Variants in CSNK1G2 observed in about 807,000 individuals in gnomAD.
CSNK1G2 encodes casein kinase 1 gamma 2.
A neutral mutation model predicts 48.0 loss-of-function variants in CSNK1G2; 11 were observed. The ratio of observed to expected loss-of-function variants is 0.23; its 90% CI spans 0.14 to 0.38. The LOEUF (loss-of-function observed/expected upper bound fraction) is 0.38, where lower values mean the gene tolerates loss of function less well. CSNK1G2 is among the 10% of genes least tolerant of loss of function. CSNK1G2 has a pLI of 1.00. For missense variants in CSNK1G2, 446 were observed against 595.5 expected, an observed-to-expected ratio of 0.75 and a Z score of 2.61; for synonymous variants, 337 against 254.1, an observed-to-expected ratio of 1.33 and a Z score of -3.10.
intron 1 of CSNK1G2, among the ~76,000 whole-genome samples, chr19:1,959,597 G>A (rs35799704): frequency 0.051 from 3,885 of 76,310 alleles, 301 homozygotes; most frequent in African/African-American, 0.11. Flanking sequence ...CACCTTTAGT[G>A]CCACCCTGAG....
intron 2 of CSNK1G2, 31 bp downstream of exon 2, chr19:1,969,990 G>A (rs1410480713): frequency 6.8e-5 from 88 of 1,296,878 alleles, no homozygotes; most frequent in Admixed American, 1.2e-4. Context: ...AGGTGGGGTC[G>A]GGAGGCTGCT....
At chr19:1,949,344 T>A (rs1351101475) in intron 1 of CSNK1G2, among the ~76,000 whole-genome samples, 3 of 152,176 alleles carry the variant, frequency 2.0e-5, no homozygotes, top group African/African-American at 7.2e-5. Context: ...CATCCTACTT[T>A]CTGGCTCTGT....
At chr19:1,945,816 C>T (rs1428587247) in intron 1 of CSNK1G2, among the ~76,000 whole-genome samples, 6 of 114,066 alleles carry the variant, frequency 5.3e-5, no homozygotes, top group South Asian at 3.1e-4. Flanking sequence ...AGCGAGACTC[C>T]GTCTCAAAAA....
chr19:1,951,829 C>T (rs978303148), intron 1 of CSNK1G2, among the ~76,000 whole-genome samples: 6 of 151,062 alleles, frequency 4.0e-5, no homozygotes, highest in East Asian at 2.0e-4. Context: ...CACAGGCGCC[C>T]GCCACCACAG....
At chr19:1,958,237 G>C (rs1366946575) in intron 1 of CSNK1G2, among the ~76,000 whole-genome samples, 1 of 152,056 alleles carries the variant, frequency 6.6e-6, no homozygotes, top group Non-Finnish European at 1.5e-5. Flanking sequence ...CCAGAGCACG[G>C]CTTCCTTCTC....
In CSNK1G2 at chr19:1,980,347, G is replaced by A. The variant is rs773353500; in HGVS notation, c.*144G>A. ...AACGCAGACTGCAGGGGCCGCGCCT[G>A]GCTCAGGCGGCCCCACCCCCGGGAC... On this transcript the variant is annotated 3_prime_UTR_variant, in exon 12 of 12. Transcript: ENST00000255641. 6.0e-6 allele frequency: 6 copies of A among 1,004,482 alleles called. No homozygotes were observed. In the Admixed American group the frequency reaches 1.4e-4, roughly 23 times the overall value. The allele number at this position is 1,004,482 out of a possible 1,614,324, so 62.2% of individuals were successfully genotyped here.
intron 1 of CSNK1G2, among the ~76,000 whole-genome samples, chr19:1,949,632 T>C (rs1325960104): frequency 1.3e-5 from 2 of 152,274 alleles, no homozygotes; most frequent in Non-Finnish European, 2.9e-5. Context: ...GGTGGACTTC[T>C]AGCGGTGGAA....
chr19:1,954,757 G>C (rs2014920385), intron 1 of CSNK1G2: 1 of 152,398 alleles, frequency 6.6e-6, no homozygotes, highest in African/African-American at 2.4e-5. Context: ...GATGGGAGCT[G>C]ACGGGGAGAG....
intron 2 of CSNK1G2, among the ~76,000 whole-genome samples, chr19:1,976,697 A>G (rs372414007): frequency 2.6e-5 from 4 of 151,486 alleles, no homozygotes; most frequent in East Asian, 3.9e-4. Context: ...CTGCCAGTCC[A>G]GCTGCAGCAG....
At chr19:1,967,815 G>A (rs534212417) in intron 1 of CSNK1G2, among the ~76,000 whole-genome samples, 5 of 45,972 alleles carry the variant, frequency 1.1e-4, no homozygotes, top group Middle Eastern at 0.011. Context: ...TCCCCAGGCT[G>A]CCCCCGACCA....
chr19:1,970,906 T>C (rs1357694894), intron 2 of CSNK1G2, among the ~76,000 whole-genome samples: 1 of 152,102 alleles, frequency 6.6e-6, no homozygotes, highest in Non-Finnish European at 1.5e-5. Context: ...ATGGCACCCA[T>C]GGCAGGCACT....
chr19:1,946,172 G>C (rs1051808934), intron 1 of CSNK1G2, among the ~76,000 whole-genome samples: 6 of 152,188 alleles, frequency 3.9e-5, no homozygotes, highest in African/African-American at 1.4e-4. Context: ...GTCTCAGGCC[G>C]CGCAGAGGAG....
intron 1 of CSNK1G2, chr19:1,953,896 G>C (rs755926598): frequency 1.9e-6 from 1 of 534,136 alleles, no homozygotes; most frequent in Non-Finnish European, 3.8e-6. Flanking sequence ...TGCGTTCTCA[G>C]AGGCCGGCTG....
In CSNK1G2 at chr19:1,969,764, C is replaced by T. The variant is rs2015500205; in HGVS notation, c.-9C>T. 7.7e-7 allele frequency: 1 copy of T among 1,297,298 alleles called. No homozygotes were observed. 80.4% of individuals were successfully genotyped at this position (1,297,298 alleles called of 1,614,324 possible). A position where few individuals can be genotyped will look rare whatever the true frequency, so the allele number is the denominator to read the frequency against. On this transcript the variant is annotated 5_prime_UTR_variant, in exon 2 of 12. Coordinates refer to ENST00000255641, the MANE Select transcript of CSNK1G2 (RefSeq NM_001319.7). ...AGTCACCGTGGAGAGGCCAGGGTAT[C>T]ACAAACTTATGGATTTTGACAAGAA... is the stretch of plus-strand genomic sequence containing the variant.
chr19:1,966,797 C>G (rs562664844), intron 1 of CSNK1G2, among the ~76,000 whole-genome samples: 1 of 152,320 alleles, frequency 6.6e-6, no homozygotes, highest in African/African-American at 2.4e-5. Flanking sequence ...TGAGGCAAGA[C>G]CCTTCTCCGG....
rs1176596110 is a variant in CSNK1G2, at chr19:1,978,426, G to C, written c.229-16G>C. 14 of 1,611,082 alleles carry C rather than the reference G, an allele frequency of 8.7e-6. No individual in the cohort carries two copies. The highest frequency in any genetic ancestry group is 1.2e-5 in the Non-Finnish European group (14 of 1,179,202). On this transcript the variant is annotated splice_polypyrimidine_tract_variant and intron_variant, in intron 3 of 11. Coordinates refer to ENST00000255641, the MANE Select transcript of CSNK1G2 (RefSeq NM_001319.7). The surrounding 1 kb of genome is among the most constrained non-coding windows in gnomAD (Gnocchi z 7.3). The stretch of plus-strand genomic sequence containing the variant: ...CAGCGACCCGGTCCCCTGGTGACTC[G>C]CTCTTGTGCCCCCAGGAGCCGATCA...
rs144677038 is a variant in CSNK1G2 at position 1,942,797 on chromosome 19, C to T, written c.-266+1379C>T. Reference sequence around the variant, plus strand: ...AGAGGAAAGACTGTGTGCCAGGGCCCCCAGGTTTGAAAGGGGGAAGTTCGC... The same window carrying T: ...AGAGGAAAGACTGTGTGCCAGGGCCTCCAGGTTTGAAAGGGGGAAGTTCGC... On this transcript the variant is annotated intron_variant, in intron 1 of 11. Transcript: ENST00000255641. Among the ~76,000 whole-genome samples, 1,128 of 152,268 alleles carry T rather than the reference C, an allele frequency of 7.4e-3. 9 individuals carry two copies. Among genetic ancestry groups the T allele is most frequent in the Non-Finnish European group, 0.012 (826 of 68,006 alleles).
At chr19:1,969,062 C>T (rs2015475267) in intron 1 of CSNK1G2, among the ~76,000 whole-genome samples, 1 of 152,198 alleles carries the variant, frequency 6.6e-6, no homozygotes. Flanking sequence ...TGTCATCTGC[C>T]TCCCTCCCTC....
At chr19:1,973,072 C>T (rs1464268164) in intron 2 of CSNK1G2, among the ~76,000 whole-genome samples, 4 of 151,694 alleles carry the variant, frequency 2.6e-5, no homozygotes, top group Non-Finnish European at 4.4e-5. Flanking sequence ...GGACTACAGC[C>T]GCCCGCCACC....
Sources: gnomAD v4.1 joint callset for allele counts (sites outside exome capture counted in the v4.1 genomes callset) on GRCh38, gnomAD v4.1.1 for gene constraint, Gnocchi (gnomAD v3.1) non-coding constraint, MANE v1.5 for transcripts, NCBI Gene and HGNC (gene_info 2026-07-23, HGNC 2026-07-21) for gene names.